The following NSD1 variants were observed in gnomAD, a reference collection of about 807,000 sequenced individuals.
NSD1 encodes histone-lysine N-methyltransferase, H3 lysine-36 specific.
In NSD1, 26 loss-of-function variants were observed where a neutral mutation model predicts 242.7. That is an observed-to-expected ratio of 0.11 (90% CI 0.08 to 0.15). The LOEUF (loss-of-function observed/expected upper bound fraction) is 0.15, where lower values mean the gene tolerates loss of function less well. Ranked by LOEUF, NSD1 falls within the 10% of genes least tolerant of loss-of-function variation. The pLI is 1.00. For synonymous variants in NSD1, 1,106 were observed against 1,178.1 expected, an observed-to-expected ratio of 0.94 and a Z score of 1.25; for missense variants, 2,495 against 3,272.8, an observed-to-expected ratio of 0.76 and a Z score of 5.80.
intron 13 of NSD1, among the ~76,000 whole-genome samples, chr5:177,257,973 C>CTTTTTTTTTTTTT (rs35034666): frequency 1.9e-5 from 1 of 52,566 alleles, no homozygotes; most frequent in African/African-American, 8.0e-5. Flanking sequence ...CCCCCTGGGC[C>CTTTTTTTTTTTTT]TTTTTTTTTT....
intron 14 of NSD1, among the ~76,000 whole-genome samples, chr5:177,264,073 G>A (rs1018585177): frequency 1.0e-5 from 1 of 97,740 alleles, no homozygotes; most frequent in Non-Finnish European, 2.1e-5. Context: ...GTCTGGCTGT[G>A]TCGTCAGGCT....
Position 177,144,081 on chromosome 5 carries a change from C to T in NSD1, c.927+8051C>T, listed in dbSNP as rs77253764. 5.3e-4 allele frequency among the ~76,000 whole-genome samples: 81 copies of T among 152,248 alleles called. No homozygotes were observed. The East Asian group carries it at 0.012, about 23-fold the overall frequency. ...TACAGGTGTGAGCCATCTCTCCTGG[C>T]CATGATACAAGATAATTTATATGAA... On this transcript the variant is annotated intron_variant, in intron 2 of 22. Transcript: ENST00000439151.
At chr5:177,137,597 C>G (rs1756444289) in intron 2 of NSD1, among the ~76,000 whole-genome samples, 1 of 152,088 alleles carries the variant, frequency 6.6e-6, no homozygotes, top group African/African-American at 2.4e-5. Flanking sequence ...GTTTTGAAAA[C>G]CTATTGGCAG....
intron 2 of NSD1, among the ~76,000 whole-genome samples, chr5:177,171,331 C>G (rs776546757): frequency 6.6e-6 from 1 of 151,852 alleles, no homozygotes; most frequent in East Asian, 1.9e-4. Context: ...AAACCTTGTA[C>G]GCTTTAGTTA....
intron 5 of NSD1, among the ~76,000 whole-genome samples, chr5:177,231,091 C>T (rs1353094711): frequency 1.3e-5 from 2 of 152,160 alleles, no homozygotes; most frequent in Non-Finnish European, 2.9e-5. Flanking sequence ...AGTCACCACC[C>T]TGCCCCCACT....
Position 177,295,503 on chromosome 5 carries a change from C to T in NSD1, c.*44C>T, listed in dbSNP as rs753198743. On this transcript the variant is annotated 3_prime_UTR_variant, in exon 23 of 23. Transcript: ENST00000439151. This position sits in a 1 kb window ranked among gnomAD's most constrained non-coding sequence, Gnocchi z 4.3. ...GAACAAACAAGCTGCCCCCAGGGTA[C>T]CATTTGGGGAGGGGAAATCTTTTCT... The T allele has an allele frequency of 6.3e-7, 1 of 1,588,316 alleles. No individual in the cohort carries two copies. The highest frequency in any genetic ancestry group is 8.6e-7 in the Non-Finnish European group (1 of 1,159,988).
intron 2 of NSD1, among the ~76,000 whole-genome samples, chr5:177,145,281 AT>A (rs371901937): frequency 0.011 from 1,567 of 138,406 alleles, 18 homozygotes; most frequent in African/African-American, 0.035. Flanking sequence ...ATGTAACAAG[AT>A]TTTTTTTTTT....
At position 177,135,128 on chromosome 5, in the gene NSD1, A is replaced by T. The variant is rs1397807209; in HGVS notation, c.25A>T (p.Arg9Ter). ...GATGGATCAGACCTGTGAACTACCC[A>T]GAAGAAATTGTCTGCTGCCCTTTTC... The part of the protein sequence containing the change: MDQTCELP[R>*]RNCLLPFSNP... The change falls in exon 2 of 23, where the codon AGA becomes TGA. Residue 9 changes from arginine to a stop codon, truncating the protein, a stop_gained. Transcript: ENST00000439151. LOFTEE classifies it high-confidence loss of function. 1.9e-6 allele frequency: 3 copies of T among 1,614,220 alleles called. No homozygotes were observed. Among genetic ancestry groups the T allele is most frequent in the Non-Finnish European group, 2.5e-6 (3 of 1,180,040 alleles).
chr5:177,247,445 C>T (rs990497275), intron 10 of NSD1, among the ~76,000 whole-genome samples: 8 of 151,788 alleles, frequency 5.3e-5, no homozygotes, highest in Admixed American at 2.0e-4. Context: ...AAAATTGAGA[C>T]TGCTGGCTGG....
At chr5:177,259,372 G>C (rs1013407895) in intron 13 of NSD1, among the ~76,000 whole-genome samples, 2 of 152,260 alleles carry the variant, frequency 1.3e-5, no homozygotes, top group East Asian at 3.9e-4. Flanking sequence ...CCAGCTTCTT[G>C]GGAAGGTAAA....
upstream of NSD1, chr5:177,133,553 AG>A (rs1197764236): frequency 6.7e-6 from 1 of 149,806 alleles, no homozygotes; most frequent in East Asian, 2.0e-4. This position sits in a 1 kb window ranked among gnomAD's most constrained non-coding sequence, Gnocchi z 6.2. Flanking sequence ...GCGCAGGGGG[AG>A]GGGAGGGGGC....
At chr5:177,169,401 G>T in intron 2 of NSD1, 1 of 155,462 alleles carries the variant, frequency 6.4e-6, no homozygotes, top group South Asian at 1.9e-4. Context: ...TAGAATGGTC[G>T]ACGTTGAGCT....
At chr5:177,236,085 C>G (rs1328672512) in intron 6 of NSD1, 140 bp downstream of exon 6, 2 of 862,792 alleles carry the variant, frequency 2.3e-6, no homozygotes, top group Non-Finnish European at 3.7e-6. Context: ...TAGCACAGTA[C>G]TTAGGATTTA....
intron 5 of NSD1, among the ~76,000 whole-genome samples, chr5:177,224,767 G>A (rs552921575): frequency 4.6e-5 from 7 of 151,602 alleles, no homozygotes; most frequent in African/African-American, 1.7e-4. Context: ...TGTTTTTGAT[G>A]TTAGGAGGAA....
At position 177,269,918 on chromosome 5, in the gene NSD1, A is replaced by G. The variant is rs962971011; in HGVS notation, c.5509+111A>G. On this transcript the variant is annotated intron_variant, in intron 16 of 22. Transcript: ENST00000439151. The surrounding 1 kb of genome is among the most constrained non-coding windows in gnomAD (Gnocchi z 5.1). ...ATTTTGAAACTGCCTTTGTCCTCTC[A>G]GGGCATTATCTGGCTGCAAATACAG... 1.1e-6 allele frequency: 1 copy of G among 896,994 alleles called. No homozygotes were observed. Among genetic ancestry groups the G allele is most frequent in the Non-Finnish European group, 1.7e-6 (1 of 587,012 alleles). The allele number at this position is 896,994 out of a possible 1,614,324, so 55.6% of individuals were successfully genotyped here. A position where few individuals can be genotyped will look rare whatever the true frequency, so the allele number is the denominator to read the frequency against.
At chr5:177,160,553 T>C (rs1184122702) in intron 2 of NSD1, among the ~76,000 whole-genome samples, 2 of 152,108 alleles carry the variant, frequency 1.3e-5, no homozygotes, top group Admixed American at 1.3e-4. Flanking sequence ...CCTGCCTTCC[T>C]CAGCCTCCCA....
At chr5:177,141,064 C>T (rs1756768882) in intron 2 of NSD1, among the ~76,000 whole-genome samples, 1 of 152,098 alleles carries the variant, frequency 6.6e-6, no homozygotes, top group Non-Finnish European at 1.5e-5. Context: ...ACTCTGTCAC[C>T]CAGGCTGGAG....
At chr5:177,131,821 A>C (rs779020858), upstream of NSD1, among the ~76,000 whole-genome samples, 1 of 152,258 alleles carries the variant, frequency 6.6e-6, no homozygotes, top group Non-Finnish European at 1.5e-5. Context: ...GTTAACTCCA[A>C]ATCTAATCAC....
chr5:177,183,691 A>C (rs978467627), intron 2 of NSD1, among the ~76,000 whole-genome samples: 23 of 152,170 alleles, frequency 1.5e-4, no homozygotes, highest in African/African-American at 5.5e-4. Flanking sequence ...TTGTGCTATC[A>C]AATTCTAGTT....
Sources: gnomAD v4.1 joint callset for allele counts (sites outside exome capture counted in the v4.1 genomes callset) on GRCh38, gnomAD v4.1.1 for gene constraint, Gnocchi (gnomAD v3.1) non-coding constraint, MANE v1.5 for transcripts, NCBI Gene and HGNC (gene_info 2026-07-23, HGNC 2026-07-21) for gene names.